Variants in STXBP5L observed in about 807,000 individuals in gnomAD.
STXBP5L encodes the protein syntaxin binding protein 5L.
In STXBP5L, 65 loss-of-function variants were observed where a neutral mutation model predicts 144.5. That is an observed-to-expected ratio of 0.45 (90% CI 0.37 to 0.55). STXBP5L has a LOEUF of 0.55. Ranked by LOEUF, STXBP5L falls within the 20% of genes least tolerant of loss-of-function variation. The pLI is 0.00. For missense variants in STXBP5L, 1,298 were observed against 1,405.5 expected (o/e 0.92, Z 1.22); for synonymous variants, 505 against 469.6 (o/e 1.08, Z -0.97).
chr3:121,025,035 CA>C (rs551150221), intron 3 of STXBP5L, among the ~76,000 whole-genome samples: 23 of 152,134 alleles, frequency 1.5e-4, no homozygotes, highest in Non-Finnish European at 3.1e-4. Context: ...CCCCAAATTC[CA>C]AAGCAAGGCA....
chr3:121,035,824 A>C (rs749238549), intron 3 of STXBP5L, among the ~76,000 whole-genome samples: 2 of 152,110 alleles, frequency 1.3e-5, no homozygotes, highest in African/African-American at 2.4e-5. Context: ...ATCTAGATCA[A>C]TTTAGGGAAA....
At chr3:120,944,628 A>G (rs1186553708) in intron 2 of STXBP5L, among the ~76,000 whole-genome samples, 1 of 151,790 alleles carries the variant, frequency 6.6e-6, no homozygotes, top group Non-Finnish European at 1.5e-5. Flanking sequence ...AGAAACTAGT[A>G]CCAATACTTC....
chr3:121,180,740 A>T (rs1027291610), intron 9 of STXBP5L, among the ~76,000 whole-genome samples: 6 of 152,030 alleles, frequency 3.9e-5, no homozygotes, highest in African/African-American at 1.4e-4. Flanking sequence ...TAGGCATGGT[A>T]GCTCATGCCT....
intron 6 of STXBP5L, among the ~76,000 whole-genome samples, chr3:121,117,767 A>C (rs2044295115): frequency 6.6e-6 from 1 of 151,650 alleles, no homozygotes. Flanking sequence ...TCTAATTGCA[A>C]TTAGAGGCAA....
chr3:121,096,357 C>G (rs1366663388), intron 5 of STXBP5L, among the ~76,000 whole-genome samples: 1 of 152,172 alleles, frequency 6.6e-6, no homozygotes, highest in Non-Finnish European at 1.5e-5. Context: ...CTACTTTTGT[C>G]AGTTAATCAA....
chr3:121,128,803 A>G (rs2044837720), intron 7 of STXBP5L, among the ~76,000 whole-genome samples: 1 of 152,090 alleles, frequency 6.6e-6, no homozygotes, highest in African/African-American at 2.4e-5. Flanking sequence ...GACAGTCACC[A>G]TCAAAATGGA....
chr3:121,162,891 A>G (rs1374397266), intron 9 of STXBP5L, among the ~76,000 whole-genome samples: 1 of 152,236 alleles, frequency 6.6e-6, no homozygotes, highest in Non-Finnish European at 1.5e-5. Context: ...CACACCAATT[A>G]GAATGGCGAT....
intron 9 of STXBP5L, among the ~76,000 whole-genome samples, chr3:121,178,768 C>G (rs1371583815): frequency 6.6e-6 from 1 of 152,120 alleles, no homozygotes; most frequent in Non-Finnish European, 1.5e-5. Flanking sequence ...TATAGGCATT[C>G]TCAGTCTCCA....
intron 3 of STXBP5L, among the ~76,000 whole-genome samples, chr3:121,031,630 G>A (rs1946376918): frequency 1.3e-5 from 2 of 152,054 alleles, no homozygotes; most frequent in Admixed American, 6.6e-5. Flanking sequence ...AGGGTAACCT[G>A]CTGTATTCAA....
At chr3:121,383,887 A>G (rs1182088500) in intron 22 of STXBP5L, among the ~76,000 whole-genome samples, 2 of 152,176 alleles carry the variant, frequency 1.3e-5, no homozygotes, top group Non-Finnish European at 2.9e-5. Flanking sequence ...GGTTGCTGCC[A>G]TAGCTTATGG....
chr3:121,185,912 A>G (rs1276263325), intron 9 of STXBP5L, among the ~76,000 whole-genome samples: 1 of 152,198 alleles, frequency 6.6e-6, no homozygotes, highest in Non-Finnish European at 1.5e-5. Context: ...CACAATATTG[A>G]TTCTTCCTAC....
At position 120,970,155 on chromosome 3, in the gene STXBP5L, T is replaced by C. The variant is rs146109241; in HGVS notation, c.287+15118T>C. On this transcript the variant is annotated intron_variant, in intron 3 of 26. Coordinates refer to ENST00000471454, the MANE Select transcript of STXBP5L (RefSeq NM_001308330.2). Reference sequence around the variant, plus strand: ...ATATTATCTGTTTCTTAACCAGTTATTGTAGTAATTATTGATTTTAATAGG... The same window carrying C: ...ATATTATCTGTTTCTTAACCAGTTACTGTAGTAATTATTGATTTTAATAGG... Among the ~76,000 whole-genome samples the C allele has an allele frequency of 4.2e-3, 646 of 152,232 alleles. 4 individuals are homozygous for C. Among genetic ancestry groups the C allele is most frequent in the African/African-American group, 0.015 (622 of 41,560 alleles).
At chr3:121,108,794 G>A (rs2043837276) in intron 5 of STXBP5L, among the ~76,000 whole-genome samples, 1 of 152,136 alleles carries the variant, frequency 6.6e-6, no homozygotes. Context: ...AATGGTACCA[G>A]CTCCGCTTTG....
chr3:121,223,098 T>G lies in STXBP5L; in HGVS notation c.1052T>G (p.Leu351Arg), dbSNP rs1249133610. The G allele has an allele frequency of 1.2e-6, 2 of 1,612,602 alleles. No individual in the cohort carries two copies. The highest frequency in any genetic ancestry group is 3.3e-5 in the Admixed American group (2 of 59,804). ...TIMHGKAITV[L>R]EMDHPIVEFL... ...ATGCATGGAAAAGCAATTACAGTACTTGAAATGGATCATCCTATTGTTGAA... is the reference window on the plus strand; with the variant it reads ...ATGCATGGAAAAGCAATTACAGTACGTGAAATGGATCATCCTATTGTTGAA... The change falls in exon 11 of 27, where the codon CTT becomes CGT. Residue 351 changes from leucine (L) to arginine (R), a missense_variant. Coordinates refer to ENST00000471454, the MANE Select transcript of STXBP5L (RefSeq NM_001308330.2).
chr3:120,999,592 T>A (rs1314303307), intron 3 of STXBP5L, among the ~76,000 whole-genome samples: 11 of 152,196 alleles, frequency 7.2e-5, no homozygotes, highest in Admixed American at 7.2e-4. Flanking sequence ...TATTGACATG[T>A]GCCAATTTGA....
chr3:121,367,226 A>G (rs976504063), intron 20 of STXBP5L, among the ~76,000 whole-genome samples: 2 of 152,120 alleles, frequency 1.3e-5, no homozygotes. Context: ...GTCTTTATTG[A>G]GATCTTTATT....
intron 22 of STXBP5L, among the ~76,000 whole-genome samples, chr3:121,397,798 C>A (rs993478725): frequency 4.6e-5 from 7 of 152,276 alleles, no homozygotes; most frequent in Non-Finnish European, 7.3e-5. Flanking sequence ...CCAGGTTGTC[C>A]ATCGGGCCCT....
intron 5 of STXBP5L, among the ~76,000 whole-genome samples, chr3:121,071,773 G>C (rs1005746406): frequency 2.6e-5 from 4 of 152,100 alleles, no homozygotes; most frequent in Non-Finnish European, 2.9e-5. Context: ...CTCACCTAAG[G>C]CTTGCATTTG....
intron 2 of STXBP5L, among the ~76,000 whole-genome samples, chr3:120,929,578 A>G (rs1709815861): frequency 6.6e-6 from 1 of 152,104 alleles, no homozygotes; most frequent in Non-Finnish European, 1.5e-5. Context: ...TTCTTACAGT[A>G]ATGCTTTTAC....
Sources: allele counts gnomAD v4.1 joint callset (sites outside exome capture counted in the v4.1 genomes callset), GRCh38; gene constraint gnomAD v4.1.1; transcripts MANE v1.5; gene names NCBI Gene and HGNC (gene_info 2026-07-23, HGNC 2026-07-21).